HK3: variants seen among roughly 807,000 people sequenced by gnomAD.
The protein encoded by HK3 is hexokinase 3, also known as hexokinase-3.
In HK3, 93 loss-of-function variants were observed where a neutral mutation model predicts 91.0. The observed-to-expected ratio is 1.02, with a 90% confidence interval of 0.86 to 1.21. HK3 has a LOEUF of 1.21. Among genes scored for constraint, HK3 ranks in the 50% most tolerant of loss-of-function variants. HK3 has a pLI of 0.00. For missense variants in HK3, 1,235 were observed against 1,247.4 expected (o/e 0.99, Z 0.15); for synonymous variants, 519 against 516.9 (o/e 1.00, Z -0.06).
chr5:176,895,723 C>T (rs1485902382), intron 2 of HK3, among the ~76,000 whole-genome samples: 1 of 152,154 alleles, frequency 6.6e-6, no homozygotes, highest in African/African-American at 2.4e-5. Flanking sequence ...CTGAGAAAGT[C>T]CACTCTAGAC....
rs374969112 is a variant in HK3 at position 176,881,023 on chromosome 5, C to T, written c.*50G>A. The T allele has an allele frequency of 6.6e-5, 102 of 1,538,742 alleles. No homozygotes were observed. The African/African-American group carries it at 1.1e-3, about 17-fold the overall frequency. On this transcript the variant is annotated 3_prime_UTR_variant, in exon 19 of 19. Transcript: ENST00000292432. ...TGGCTGGGAAACAGGCAGACCCCGACCCGGCTCCAGCAAGGCTGCGGCGGA... is the reference window on the plus strand; with the variant it reads ...TGGCTGGGAAACAGGCAGACCCCGATCCGGCTCCAGCAAGGCTGCGGCGGA...
chr5:176,887,297 G>A lies in HK3; in HGVS notation c.1641C>T (p.Asn547=). The change falls in exon 12 of 19, where the codon AAC becomes AAT. Residue 547 remains asparagine (N), a synonymous_variant. Coordinates refer to ENST00000292432, the MANE Select transcript of HK3 (RefSeq NM_002115.3). This position sits in a 1 kb window ranked among gnomAD's most constrained non-coding sequence, Gnocchi z 4.9. ...DFLALDLGGT[N]FRVLLVRVTT... ...TCACACGTACCAGGAGGACACGGAA[G>A]TTCGTGCCCCCGAGGTCCAGGGCCA... 6.2e-7 allele frequency: 1 copy of A among 1,614,060 alleles called. No homozygotes were observed. The highest frequency in any genetic ancestry group is 8.5e-7 in the Non-Finnish European group (1 of 1,180,020).
intron 8 of HK3, 75 bp downstream of exon 8, chr5:176,889,306 G>C (rs1758694349): frequency 2.0e-6 from 3 of 1,494,128 alleles, no homozygotes; most frequent in Non-Finnish European, 2.7e-6. Flanking sequence ...CTGAGAACAG[G>C]GACAGAAGGG....
At chr5:176,898,969 G>GA (rs1033856964) in intron 1 of HK3, among the ~76,000 whole-genome samples, 1 of 152,048 alleles carries the variant, frequency 6.6e-6, no homozygotes, top group African/African-American at 2.4e-5. Flanking sequence ...GCCATCGCTA[G>GA]AAAAAAATAA....
chr5:176,883,835 T>C lies in HK3; in HGVS notation c.1988A>G (p.Asp663Gly). The stretch of plus-strand genomic sequence containing the variant: ...ACAGGACATCATGGTCCCCACCGTG[T>C]CATTGACAATGGCAACCACATTCAG... ...VELNVVAIVNDTVGTMMSCGY... is the reference protein window; with the variant it reads ...VELNVVAIVNGTVGTMMSCGY... The change falls in exon 15 of 19, where the codon GAC becomes GGC. Residue 663 changes from aspartate (D) to glycine (G), a missense_variant. Physicochemically the swap from Asp to Gly is moderately conservative, Grantham distance 94. Transcript: ENST00000292432. The C allele has an allele frequency of 1.2e-6, 2 of 1,614,076 alleles. No individual in the cohort carries two copies. Among genetic ancestry groups the C allele is most frequent in the Non-Finnish European group, 8.5e-7 (1 of 1,180,010 alleles).
At chr5:176,893,490 GC>G (rs1032957247) in intron 2 of HK3, among the ~76,000 whole-genome samples, 6 of 152,160 alleles carry the variant, frequency 3.9e-5, no homozygotes, top group African/African-American at 1.4e-4. Context: ...GTCCCCCAAT[GC>G]CAGGGACTAT....
Position 176,888,849 on chromosome 5 carries a change from G to C in HK3, c.930C>G (p.Ile310Met). 6.2e-7 allele frequency: 1 copy of C among 1,613,964 alleles called. No individual in the cohort carries two copies. Among genetic ancestry groups the C allele is most frequent in the Non-Finnish European group, 8.5e-7 (1 of 1,179,946 alleles). Residue 310 changes from isoleucine to methionine, a missense_variant, in exon 9 of 19, where the codon ATC (isoleucine) becomes ATG (methionine). Ile to Met is a conservative substitution (Grantham distance 10). Around this residue, in one of 3 missense-constraint regions of HK3, gnomAD observed 717 missense variants for 751.6 expected, o/e 0.95. Coordinates refer to ENST00000292432, the MANE Select transcript of HK3 (RefSeq NM_002115.3). The part of the protein sequence containing the change: ...NPGAQRFEKM[I>M]GGLYLGELVR... ...CCAGCTCACCCAGGTACAGGCCTCCGATCATCTTCTCAAACCTGCAGGGGG... is the reference window on the plus strand; with the variant it reads ...CCAGCTCACCCAGGTACAGGCCTCCCATCATCTTCTCAAACCTGCAGGGGG...
chr5:176,887,372 G>A lies in HK3; in HGVS notation c.1601-35C>T, dbSNP rs143365599. The stretch of plus-strand genomic sequence containing the variant: ...CAGAGACCCTCAGTGCCGGGATAGG[G>A]CTTGTGGCTCCAGCCCCAGCACACA... On this transcript the variant is annotated intron_variant, in intron 11 of 18. Coordinates refer to ENST00000292432, the MANE Select transcript of HK3 (RefSeq NM_002115.3). This position sits in a 1 kb window ranked among gnomAD's most constrained non-coding sequence, Gnocchi z 4.9. The A allele has an allele frequency of 4.4e-3, 7,096 of 1,613,588 alleles. 56 individuals carry two copies. The highest frequency in any genetic ancestry group is 0.012 in the Middle Eastern group (72 of 6,058).
rs1480772395 is a variant in HK3, at chr5:176,891,176, A to T, written c.275T>A (p.Val92Glu). The T allele has an allele frequency of 6.2e-7, 1 of 1,614,124 alleles. No individual in the cohort carries two copies. The highest frequency in any genetic ancestry group is 2.2e-5 in the East Asian group (1 of 44,868). The part of the protein sequence containing the change: ...TPHGTEQGDF[V>E]VLELGATGAS... ...CCCTGTGGCCCCCAGCTCCAGCACC[A>T]CGAAGTCTCCTTGCTCTGGAGGGCA... The change falls in exon 4 of 19, where the codon GTG becomes GAG. Residue 92 changes from valine (V) to glutamate (E), a missense_variant. Around this residue, in one of 3 missense-constraint regions of HK3, gnomAD observed 717 missense variants for 751.6 expected, o/e 0.95. Coordinates refer to ENST00000292432, the MANE Select transcript of HK3 (RefSeq NM_002115.3).
Position 176,889,481 on chromosome 5 carries a change from C to G in HK3, c.814G>C (p.Val272Leu), listed in dbSNP as rs541590139. ...DEDRGRVCVS[V>L]EWGSFSDDGA... ...TCATCGCTGAAGGAGCCCCACTCGA[C>G]GCTGACGCAGACGCGGCCCCGGTCT... The change falls in exon 8 of 19, where the codon GTC becomes CTC. Residue 272 changes from valine to leucine, a missense_variant. Val to Leu is a conservative substitution (Grantham distance 32, BLOSUM62 1). This residue lies in a region of HK3 where 717 missense variants were observed against 751.6 expected (regional missense o/e 0.95). Transcript: ENST00000292432. 16 of 1,614,104 alleles carry G rather than the reference C, an allele frequency of 9.9e-6. No homozygotes were observed. Among genetic ancestry groups the G allele is most frequent in the Non-Finnish European group, 1.3e-5 (15 of 1,180,054 alleles).
chr5:176,889,427 AG>A lies in HK3; in HGVS notation c.867del (p.Phe290SerfsTer10). 6.2e-7 allele frequency: 1 copy of A among 1,614,168 alleles called. No individual in the cohort carries two copies. The highest frequency in any genetic ancestry group is 8.5e-7 in the Non-Finnish European group (1 of 1,180,012). On this transcript the variant is annotated frameshift_variant, in exon 8 of 19. Transcript: ENST00000292432. LOFTEE classifies it high-confidence loss of function. ...GACTCATGGTCCAGGGTATGGTCGA[AG>A]GTGGTCAGCACTGGTCCCAGCGCCC... Reference protein sequence around the residue: ...DDGALGPVLTTFDHTLDHESL... With the variant: ...DDGALGPVLTXFDHTLDHESL...
rs1561680666 is a variant in HK3 at position 176,887,578 on chromosome 5, C to T, written c.1473G>A (p.Arg491=). The T allele has an allele frequency of 6.2e-7, 1 of 1,613,916 alleles. No homozygotes were observed. Among genetic ancestry groups the T allele is most frequent in the Non-Finnish European group, 8.5e-7 (1 of 1,180,010 alleles). ...RLLEETLAPF[R]LNHDQLAAVQ... ...CCGCAGCCAGTTGATCATGGTTCAACCGGAATGGGGCCAGGGTCTCCTCCA... is the reference window on the plus strand; with the variant it reads ...CCGCAGCCAGTTGATCATGGTTCAATCGGAATGGGGCCAGGGTCTCCTCCA... Residue 491 remains arginine (R), a synonymous_variant, in exon 11 of 19, where the codon CGG becomes CGA. Transcript: ENST00000292432. This position sits in a 1 kb window ranked among gnomAD's most constrained non-coding sequence, Gnocchi z 4.9.
intron 2 of HK3, among the ~76,000 whole-genome samples, chr5:176,894,508 A>G (rs1758858812): frequency 6.6e-6 from 1 of 152,238 alleles, no homozygotes; most frequent in Non-Finnish European, 1.5e-5. Context: ...CCCTAGAGCC[A>G]GTCCTGGCTG....
Position 176,887,831 on chromosome 5 carries a change from A to G in HK3, c.1305-85T>C, listed in dbSNP as rs1316046940. 9.1e-6 allele frequency: 13 copies of G among 1,434,080 alleles called. No homozygotes were observed. The Admixed American group carries it at 1.9e-4, about 20-fold the overall frequency. 88.8% of individuals were successfully genotyped at this position (1,434,080 alleles called of 1,614,324 possible). On this transcript the variant is annotated intron_variant, in intron 10 of 18. Coordinates refer to ENST00000292432, the MANE Select transcript of HK3 (RefSeq NM_002115.3). This position sits in a 1 kb window ranked among gnomAD's most constrained non-coding sequence, Gnocchi z 4.9. ...GCACGGCTTGGCCCTGGACCCCCAG[A>G]TACATACAGGTGTGCCCAGCTTGGC... is the stretch of plus-strand genomic sequence containing the variant.
chr5:176,886,835 G>A (rs937985746), intron 13 of HK3, among the ~76,000 whole-genome samples, 167 bp downstream of exon 13: 1 of 152,062 alleles, frequency 6.6e-6, no homozygotes, highest in Non-Finnish European at 1.5e-5. Context: ...GGCCTACCCT[G>A]TCTGGGGAAA....
intron 13 of HK3, among the ~76,000 whole-genome samples, chr5:176,885,895 C>T (rs1207823346): frequency 1.3e-5 from 2 of 151,948 alleles, no homozygotes; most frequent in Non-Finnish European, 2.9e-5. Flanking sequence ...CAAGACTGGC[C>T]CACTGCACCA....
Position 176,896,049 on chromosome 5 carries a change from C to T in HK3, c.96+15G>A. ...CTTAGACAAGCATGAAACAGGAACCCAGTGCTGAACTTACCAGCTCTGAGC... is the reference window on the plus strand; with the variant it reads ...CTTAGACAAGCATGAAACAGGAACCTAGTGCTGAACTTACCAGCTCTGAGC... On this transcript the variant is annotated intron_variant, in intron 2 of 18. Transcript: ENST00000292432. 3 of 1,607,502 alleles carry T rather than the reference C, an allele frequency of 1.9e-6. No individual in the cohort carries two copies. The highest frequency in any genetic ancestry group is 2.6e-6 in the Non-Finnish European group (3 of 1,174,040).
In HK3 at chr5:176,881,082, A is replaced by G. The variant is rs1239403779; in HGVS notation, c.2763T>C (p.Thr921=). 1 of 1,603,470 alleles carries G rather than the reference A, an allele frequency of 6.2e-7. No homozygotes were observed. Among genetic ancestry groups the G allele is most frequent in the Non-Finnish European group, 8.5e-7 (1 of 1,174,684 alleles). ...TAVACRLAQL[T]RV ...CAGCCTGGAGGTTTCCTCAGACACG[A>G]GTCAACTGCGCAAGGCGGCAGGCAA... is the stretch of plus-strand genomic sequence containing the variant. Residue 921 remains threonine, a synonymous_variant, in exon 19 of 19, where the codon ACT becomes ACC. Transcript: ENST00000292432.
intron 6 of HK3, among the ~76,000 whole-genome samples, chr5:176,890,096 C>T (rs1168956551): frequency 6.6e-6 from 1 of 152,200 alleles, no homozygotes; most frequent in African/African-American, 2.4e-5. Context: ...CTCCCCAAGC[C>T]TGTTCCTCCC....
Sources: gnomAD v4.1 joint callset for allele counts (sites outside exome capture counted in the v4.1 genomes callset) on GRCh38, gnomAD v4.1.1 for gene constraint, gnomAD v4.1.1 regional missense constraint, Gnocchi (gnomAD v3.1) non-coding constraint, MANE v1.5 for transcripts, NCBI Gene and HGNC (gene_info 2026-07-23, HGNC 2026-07-21) for gene names.